UBA6: variants seen among roughly 807,000 people sequenced by gnomAD.
The protein encoded by UBA6 is ubiquitin-like modifier-activating enzyme 6.
A neutral mutation model predicts 148.3 loss-of-function variants in UBA6; 87 were observed. The ratio of observed to expected loss-of-function variants is 0.59; its 90% confidence interval spans 0.49 to 0.70. UBA6 has a LOEUF of 0.70. Among genes scored for constraint, UBA6 ranks in the 30% least tolerant of loss-of-function variants. The probability of loss-of-function intolerance (pLI) is 0.00; values close to 1 mark genes in which losing one functional copy is unlikely to be tolerated. For missense variants in UBA6, 1,186 were observed against 1,241.2 expected (o/e 0.96, Z 0.67); for synonymous variants, 376 against 401.0 (o/e 0.94, Z 0.75).
chr4:67,699,730 T>G (rs949431878), intron 1 of UBA6, among the ~76,000 whole-genome samples: 6 of 152,196 alleles, frequency 3.9e-5, no homozygotes, highest in Admixed American at 2.6e-4. Flanking sequence ...GCCTCCCGAG[T>G]AGCTGGGACT....
At chr4:67,663,485 C>T (rs1729914406) in intron 11 of UBA6, 1 of 367,852 alleles carries the variant, frequency 2.7e-6, no homozygotes, top group Non-Finnish European at 4.8e-6. Context: ...ACATTTACTG[C>T]TACAAAATTA....
intron 18 of UBA6, among the ~76,000 whole-genome samples, chr4:67,640,560 T>G (rs905881056): frequency 2.6e-5 from 4 of 152,176 alleles, no homozygotes; most frequent in Admixed American, 2.6e-4. Flanking sequence ...GCAATCCTCC[T>G]GTGTTGGCCT....
intron 28 of UBA6, 87 bp downstream of exon 28, chr4:67,626,273 T>A: frequency 1.3e-6 from 1 of 777,594 alleles, no homozygotes; most frequent in East Asian, 2.5e-5. Flanking sequence ...ATTGTTGTGA[T>A]TAAATTCCAC....
In UBA6 at chr4:67,625,883, T is replaced by C. The variant is rs116100909; in HGVS notation, c.2518+477A>G. Among the ~76,000 whole-genome samples the C allele has an allele frequency of 2.9e-3, 436 of 152,048 alleles. 3 individuals carry two copies. The highest frequency in any genetic ancestry group is 9.9e-3 in the African/African-American group (409 of 41,508). On this transcript the variant is annotated intron_variant, in intron 28 of 32. Coordinates refer to ENST00000322244, the MANE Select transcript of UBA6 (RefSeq NM_018227.6). ...CATCTAGCAAGGAAGTATATATAGG[T>C]CATTCTGTATTCCCTGTCAGTAATT...
At chr4:67,661,211 T>G (rs565320067) in intron 13 of UBA6, among the ~76,000 whole-genome samples, 1 of 152,242 alleles carries the variant, frequency 6.6e-6, no homozygotes, top group South Asian at 2.1e-4. Context: ...TGGAAAGGTG[T>G]GACTGTGTTT....
At position 67,613,099 on chromosome 4, in the gene UBA6, A is replaced by T. The variant is rs1487794310; in HGVS notation, c.*5898T>A. 6.6e-6 allele frequency: 1 copy of T among 152,230 alleles called. No individual in the cohort carries two copies. Among genetic ancestry groups the T allele is most frequent in the East Asian group, 1.9e-4 (1 of 5,200 alleles). 9.4% of individuals were successfully genotyped at this position (152,230 alleles called of 1,614,324 possible). On this transcript the variant is annotated 3_prime_UTR_variant, in exon 33 of 33. Coordinates refer to ENST00000322244, the MANE Select transcript of UBA6 (RefSeq NM_018227.6). Reference sequence around the variant, plus strand: ...AACCCTAGAAATAAGGATGAACAGAAGAGCATTACCACAGTCTGTGGCTCA... The same window carrying T: ...AACCCTAGAAATAAGGATGAACAGATGAGCATTACCACAGTCTGTGGCTCA...
At chr4:67,685,017 C>G (rs971681752) in intron 2 of UBA6, among the ~76,000 whole-genome samples, 1 of 152,176 alleles carries the variant, frequency 6.6e-6, no homozygotes, top group African/African-American at 2.4e-5. Flanking sequence ...AGCATCCATA[C>G]TCTTAACTAT....
chr4:67,653,241 C>A (rs897290778), intron 13 of UBA6, among the ~76,000 whole-genome samples: 1 of 152,212 alleles, frequency 6.6e-6, no homozygotes, highest in Non-Finnish European at 1.5e-5. Flanking sequence ...GTCCCTGACC[C>A]CCATGTAGAC....
chr4:67,648,865 T>C (rs1293583894), intron 14 of UBA6, among the ~76,000 whole-genome samples: 1 of 152,232 alleles, frequency 6.6e-6, no homozygotes, highest in Non-Finnish European at 1.5e-5. Flanking sequence ...AAGGCAACTT[T>C]GGGTTATATC....
chr4:67,631,574 A>T, intron 25 of UBA6, 134 bp downstream of exon 25: 1 of 663,698 alleles, frequency 1.5e-6, no homozygotes, highest in Non-Finnish European at 2.4e-6. Context: ...TGACTTGTTA[A>T]CTCTTAAATG....
intron 10 of UBA6, 125 bp from the exon 11 acceptor site, chr4:67,664,072 G>C: frequency 1.6e-6 from 1 of 624,140 alleles, no homozygotes; most frequent in Non-Finnish European, 2.7e-6. Context: ...AAGTAGGGTT[G>C]GGCTGGTATG....
intron 20 of UBA6, 107 bp from the exon 21 acceptor site, chr4:67,634,625 T>C (rs911223977): frequency 7.3e-6 from 5 of 686,410 alleles, no homozygotes; most frequent in African/African-American, 1.9e-5. Context: ...CAAAAATAAA[T>C]AAAATCCAAC....
intron 8 of UBA6, among the ~76,000 whole-genome samples, chr4:67,669,614 T>G (rs551885139): frequency 3.9e-5 from 6 of 152,006 alleles, no homozygotes; most frequent in Non-Finnish European, 8.8e-5. Context: ...AGTTCTTTTA[T>G]GCAAAAAAAA....
chr4:67,695,842 G>T (rs1016327933), intron 2 of UBA6, among the ~76,000 whole-genome samples: 2 of 152,144 alleles, frequency 1.3e-5, no homozygotes, highest in African/African-American at 4.8e-5. Context: ...CAACATGCCA[G>T]ATGGTATGTA....
intron 10 of UBA6, 52 bp downstream of exon 10, chr4:67,665,136 GC>G: frequency 9.1e-7 from 1 of 1,098,712 alleles, no homozygotes; most frequent in South Asian, 1.6e-5. Flanking sequence ...TGTCTCTTCT[GC>G]CTTTCTTTTT....
intron 20 of UBA6, among the ~76,000 whole-genome samples, chr4:67,634,866 G>A (rs917549931): frequency 3.9e-5 from 6 of 152,064 alleles, no homozygotes; most frequent in African/African-American, 1.4e-4. Flanking sequence ...GCTTTGAAAA[G>A]TAATTCAGGA....
At chr4:67,669,389 C>T (rs1296821652) in intron 8 of UBA6, among the ~76,000 whole-genome samples, 5 of 152,222 alleles carry the variant, frequency 3.3e-5, no homozygotes, top group African/African-American at 1.2e-4. Flanking sequence ...ATGACAGAGA[C>T]AGTACTGGGT....
At chr4:67,681,697 T>C in intron 3 of UBA6, 106 bp from the exon 4 acceptor site, 1 of 724,892 alleles carries the variant, frequency 1.4e-6, no homozygotes, top group Non-Finnish European at 2.2e-6. Context: ...TAACTTCTTT[T>C]TTTACTACTT....
intron 15 of UBA6, among the ~76,000 whole-genome samples, 167 bp downstream of exon 15, chr4:67,646,557 G>A (rs144174952): frequency 2.8e-4 from 42 of 152,218 alleles, no homozygotes; most frequent in African/African-American, 9.4e-4. Flanking sequence ...TTATCAAGTA[G>A]TAAAGAGATA....
Sources: gnomAD v4.1 joint callset for allele counts (sites outside exome capture counted in the v4.1 genomes callset) on GRCh38, gnomAD v4.1.1 for gene constraint, MANE v1.5 for transcripts, NCBI Gene and HGNC (gene_info 2026-07-23, HGNC 2026-07-21) for gene names.